SGCZ: variants seen among roughly 807,000 people sequenced by gnomAD.
SGCZ encodes the protein sarcoglycan zeta.
Under a neutral mutation model 41.3 loss-of-function variants are expected in SGCZ, and 40 were observed. The observed-to-expected ratio is 0.97, with a 90% CI of 0.75 to 1.26. The LOEUF (loss-of-function observed/expected upper bound fraction) is 1.26, where lower values mean the gene tolerates loss of function less well. SGCZ is among the 50% of genes most tolerant of loss of function. The pLI is 0.00. For synonymous variants in SGCZ, 206 were observed against 137.5 expected, an observed-to-expected ratio of 1.50 and a Z score of -3.49; for missense variants, 552 against 369.8, an observed-to-expected ratio of 1.49 and a Z score of -4.04.
intron 2 of SGCZ, among the ~76,000 whole-genome samples, chr8:14,399,231 T>C (rs570597529): frequency 1.3e-5 from 2 of 152,268 alleles, no homozygotes; most frequent in African/African-American, 2.4e-5. Flanking sequence ...GTCCTTTTTA[T>C]TGAGATTTTT....
intron 3 of SGCZ, among the ~76,000 whole-genome samples, chr8:14,272,827 C>T (rs937268503): frequency 1.3e-5 from 2 of 152,058 alleles, no homozygotes; most frequent in African/African-American, 2.4e-5. Context: ...TTAAATTTTA[C>T]ATTTGAATTG....
At chr8:14,673,677 C>G (rs1808181377) in intron 1 of SGCZ, among the ~76,000 whole-genome samples, 1 of 152,094 alleles carries the variant, frequency 6.6e-6, no homozygotes, top group African/African-American at 2.4e-5. Flanking sequence ...GGTCAGGAAT[C>G]AGATTTATAA....
At chr8:15,193,730 T>G (rs1036326872) in intron 1 of SGCZ, among the ~76,000 whole-genome samples, 3 of 152,190 alleles carry the variant, frequency 2.0e-5, no homozygotes, top group Non-Finnish European at 2.9e-5. Flanking sequence ...TGTTGAGTTG[T>G]AACAAATGTA....
At chr8:14,496,309 T>C (rs1801987076) in intron 2 of SGCZ, among the ~76,000 whole-genome samples, 1 of 152,120 alleles carries the variant, frequency 6.6e-6, no homozygotes, top group East Asian at 1.9e-4. Flanking sequence ...CTTCTTGTAT[T>C]CTTTCTGAGT....
intron 1 of SGCZ, among the ~76,000 whole-genome samples, chr8:14,647,632 CAT>C (rs1357599887): frequency 2.6e-5 from 4 of 151,904 alleles, no homozygotes; most frequent in Non-Finnish European, 4.4e-5. Flanking sequence ...AATATTAAAA[CAT>C]AGAATAAATT....
chr8:14,513,216 T>C (rs1802516088), intron 2 of SGCZ, among the ~76,000 whole-genome samples: 1 of 152,006 alleles, frequency 6.6e-6, no homozygotes, highest in Non-Finnish European at 1.5e-5. Context: ...CTATTTTTCT[T>C]TGTAGAGACA....
chr8:14,473,338 T>C (rs34537525), intron 2 of SGCZ, among the ~76,000 whole-genome samples: 31,206 of 152,122 alleles, frequency 0.21, 3,914 homozygotes, highest in Non-Finnish European at 0.29. Flanking sequence ...CTCCTCCATA[T>C]GCTGTTGCAT....
At chr8:14,921,330 T>TCAGAC (rs1799582787) in intron 1 of SGCZ, among the ~76,000 whole-genome samples, 1 of 152,120 alleles carries the variant, frequency 6.6e-6, no homozygotes, top group African/African-American at 2.4e-5. Context: ...AACCCTGAAG[T>TCAGAC]CAGACTAATT....
chr8:14,236,450 T>A (rs888574701), intron 4 of SGCZ, among the ~76,000 whole-genome samples: 6 of 152,006 alleles, frequency 3.9e-5, no homozygotes, highest in East Asian at 1.9e-4. Context: ...AACAAATATT[T>A]AAAAAAAACC....
At chr8:15,150,432 T>C (rs770987272) in intron 1 of SGCZ, among the ~76,000 whole-genome samples, 18 of 152,346 alleles carry the variant, frequency 1.2e-4, no homozygotes, top group Non-Finnish European at 2.1e-4. Flanking sequence ...CCTGGGGCCA[T>C]AGACCCTGCT....
At chr8:14,092,624 A>G (rs1801722592) in intron 7 of SGCZ, among the ~76,000 whole-genome samples, 1 of 151,918 alleles carries the variant, frequency 6.6e-6, no homozygotes, top group Admixed American at 6.6e-5. Context: ...AGGGTAGTGA[A>G]CAAGTCTGAC....
intron 4 of SGCZ, among the ~76,000 whole-genome samples, chr8:14,169,456 C>T (rs1411578128): frequency 6.6e-6 from 1 of 152,032 alleles, no homozygotes; most frequent in African/African-American, 2.4e-5. Flanking sequence ...ATTAAGGGGC[C>T]AATCCTTGAT....
chr8:14,588,324 T>C (rs1371127444), intron 1 of SGCZ, among the ~76,000 whole-genome samples: 1 of 152,028 alleles, frequency 6.6e-6, no homozygotes, highest in Non-Finnish European at 1.5e-5. Flanking sequence ...AAGAAAGTAA[T>C]GACCAGCACA....
At chr8:14,900,119 A>G (rs1798917378) in intron 1 of SGCZ, among the ~76,000 whole-genome samples, 1 of 152,126 alleles carries the variant, frequency 6.6e-6, no homozygotes, top group African/African-American at 2.4e-5. Context: ...AAACCTTTCT[A>G]TAACAATTTT....
At chr8:15,119,970 C>T (rs748294775) in intron 1 of SGCZ, among the ~76,000 whole-genome samples, 1 of 148,296 alleles carries the variant, frequency 6.7e-6, no homozygotes, top group Non-Finnish European at 1.5e-5. Context: ...CCACCAAGCT[C>T]GGTTTTTTGG....
chr8:14,721,299 C>T (rs1203873841), intron 1 of SGCZ, among the ~76,000 whole-genome samples: 1 of 152,072 alleles, frequency 6.6e-6, no homozygotes, highest in Non-Finnish European at 1.5e-5. Flanking sequence ...TTCCTTAGAA[C>T]CAGAGATTTA....
intron 3 of SGCZ, among the ~76,000 whole-genome samples, chr8:14,258,708 C>A (rs1052998219): frequency 1.3e-5 from 2 of 152,080 alleles, no homozygotes; most frequent in African/African-American, 4.8e-5. Flanking sequence ...GATTAGTTTA[C>A]CTGCAAGCAG....
chr8:14,426,378 G>C (rs1411403193), intron 2 of SGCZ, among the ~76,000 whole-genome samples: 3 of 151,970 alleles, frequency 2.0e-5, no homozygotes, highest in Non-Finnish European at 2.9e-5. Context: ...CCCCCAATTT[G>C]GTTAACAGAA....
chr8:14,199,126 C>G (rs1805373002), intron 4 of SGCZ, among the ~76,000 whole-genome samples: 1 of 152,212 alleles, frequency 6.6e-6, no homozygotes, highest in Admixed American at 6.5e-5. Context: ...AGCCATATTT[C>G]TCTTCTTTCA....
Sources: gnomAD v4.1 joint callset for allele counts (sites outside exome capture counted in the v4.1 genomes callset) on GRCh38, gnomAD v4.1.1 for gene constraint, MANE v1.5 for transcripts, NCBI Gene and HGNC (gene_info 2026-07-23, HGNC 2026-07-21) for gene names.